Variants in RAB3B observed in about 807,000 individuals in gnomAD.
RAB3B encodes RAB3B, member RAS oncogene family, also known as ras-related protein Rab-3B.
In RAB3B, 11 loss-of-function variants were observed where a neutral mutation model predicts 20.5. The ratio of observed to expected loss-of-function variants is 0.54; its 90% CI spans 0.34 to 0.89. The LOEUF (loss-of-function observed/expected upper bound fraction) is 0.89. Ranked by LOEUF, RAB3B falls within the 40% of genes least tolerant of loss-of-function variation. The pLI, the probability that RAB3B is intolerant of heterozygous loss-of-function variation, is 0.02. For synonymous variants in RAB3B, 99 were observed against 106.3 expected (o/e 0.93, Z 0.42); for missense variants, 225 against 280.9 (o/e 0.80, Z 1.42).
chr1:51,939,272 C>T (rs1684456618), intron 2 of RAB3B, among the ~76,000 whole-genome samples: 1 of 152,172 alleles, frequency 6.6e-6, no homozygotes, highest in South Asian at 2.1e-4. Flanking sequence ...CATATATTAC[C>T]TCATTTAAAT....
At chr1:51,946,382 T>C (rs918197203) in intron 2 of RAB3B, among the ~76,000 whole-genome samples, 9 of 152,312 alleles carry the variant, frequency 5.9e-5, no homozygotes, top group South Asian at 2.1e-4. Context: ...CTGAGGAACA[T>C]TGATTCTCCT....
chr1:51,957,003 G>A (rs1037495029), intron 2 of RAB3B, among the ~76,000 whole-genome samples: 41 of 152,118 alleles, frequency 2.7e-4, no homozygotes, highest in African/African-American at 9.7e-4. Context: ...AATTGCCAAC[G>A]TGCTTGTCTT....
In RAB3B at chr1:51,913,446, C is replaced by T. The variant is rs923833851; in HGVS notation, c.*6481G>A. 6.6e-6 allele frequency: 1 copy of T among 151,424 alleles called. No individual in the cohort carries two copies. Among genetic ancestry groups the T allele is most frequent in the East Asian group, 1.9e-4 (1 of 5,184 alleles). 9.4% of individuals were successfully genotyped at this position (151,424 alleles called of 1,614,324 possible). On this transcript the variant is annotated 3_prime_UTR_variant, in exon 5 of 5. Transcript: ENST00000371655. ...GGTCACCATATTTTGTAGCTCCTCCCATAAAGAGATGGCATCTATTTCCCC... is the reference window on the plus strand; with the variant it reads ...GGTCACCATATTTTGTAGCTCCTCCTATAAAGAGATGGCATCTATTTCCCC...
chr1:51,923,288 A>G (rs931086009), intron 4 of RAB3B, among the ~76,000 whole-genome samples: 14 of 152,202 alleles, frequency 9.2e-5, no homozygotes, highest in African/African-American at 3.4e-4. Context: ...TGGAACAGCA[A>G]CAGAACAAGC....
Position 51,918,142 on chromosome 1 carries a change from T to G in RAB3B, c.*1785A>C, listed in dbSNP as rs1481188291. The G allele has an allele frequency of 6.6e-6, 1 of 152,212 alleles. No homozygotes were observed. The highest frequency in any genetic ancestry group is 1.5e-5 in the Non-Finnish European group (1 of 68,036). 9.4% of individuals were successfully genotyped at this position (152,212 alleles called of 1,614,324 possible). A position where few individuals can be genotyped will look rare whatever the true frequency, so the allele number is the denominator to read the frequency against. On this transcript the variant is annotated 3_prime_UTR_variant, in exon 5 of 5. Transcript: ENST00000371655. ...TTTATTTTTTTCCTCAGGTATTTAA[T>G]TAAGGGGCTTCCACCAGAAGTGGTT...
intron 2 of RAB3B, among the ~76,000 whole-genome samples, chr1:51,949,010 A>T (rs1684599668): frequency 6.6e-6 from 1 of 152,186 alleles, no homozygotes; most frequent in African/African-American, 2.4e-5. Context: ...CTTTGGAAAA[A>T]TCCAAACCTT....
intron 2 of RAB3B, among the ~76,000 whole-genome samples, chr1:51,967,510 C>CTTTTTTTTTTT (rs1466114151): frequency 3.6e-5 from 1 of 28,156 alleles, no homozygotes; most frequent in Non-Finnish European, 1.1e-4. Flanking sequence ...TTTTTCTTTT[C>CTTTTTTTTTTT]TTTTCTTTTT....
At chr1:51,960,544 G>C (rs911091395) in intron 2 of RAB3B, among the ~76,000 whole-genome samples, 13 of 152,100 alleles carry the variant, frequency 8.5e-5, no homozygotes, top group African/African-American at 2.9e-4. Flanking sequence ...GCAACGGTGT[G>C]GGGGAAGGAG....
intron 2 of RAB3B, among the ~76,000 whole-genome samples, chr1:51,973,005 A>T (rs1297034032): frequency 6.6e-6 from 1 of 152,210 alleles, no homozygotes; most frequent in East Asian, 1.9e-4. Context: ...ATACAATTTG[A>T]TGAGTTTGGA....
chr1:51,926,094 T>C (rs757209940), intron 4 of RAB3B, among the ~76,000 whole-genome samples: 1 of 152,122 alleles, frequency 6.6e-6, no homozygotes, highest in Non-Finnish European at 1.5e-5. Flanking sequence ...CTGGGAAACA[T>C]AGCCTGCAAA....
intron 2 of RAB3B, among the ~76,000 whole-genome samples, chr1:51,947,882 T>C (rs950905460): frequency 6.6e-6 from 1 of 152,076 alleles, no homozygotes; most frequent in African/African-American, 2.4e-5. Context: ...TGCTTCCAAC[T>C]TGGACACCCA....
intron 2 of RAB3B, among the ~76,000 whole-genome samples, chr1:51,956,887 C>T (rs980294872): frequency 2.0e-5 from 3 of 152,164 alleles, no homozygotes; most frequent in East Asian, 1.9e-4. Flanking sequence ...AGATTAAACA[C>T]CTTGCCTGAA....
At chr1:51,987,127 T>C (rs571335068) in intron 1 of RAB3B, among the ~76,000 whole-genome samples, 1 of 152,256 alleles carries the variant, frequency 6.6e-6, no homozygotes, top group African/African-American at 2.4e-5. Context: ...CCTTTCAGTC[T>C]GATAGGCGGC....
chr1:51,925,479 T>C (rs905745165), intron 4 of RAB3B, among the ~76,000 whole-genome samples: 5 of 152,228 alleles, frequency 3.3e-5, no homozygotes, highest in Admixed American at 1.3e-4. Context: ...ATCAATTCAA[T>C]ATCCAGCCTC....
chr1:51,931,970 G>C (rs943663012), intron 4 of RAB3B, among the ~76,000 whole-genome samples: 2 of 152,076 alleles, frequency 1.3e-5, no homozygotes, highest in Admixed American at 1.3e-4. Flanking sequence ...TTCATCACTT[G>C]CTTATTGGTC....
intron 4 of RAB3B, among the ~76,000 whole-genome samples, chr1:51,922,424 T>G (rs1684184197): frequency 6.6e-6 from 1 of 152,168 alleles, no homozygotes; most frequent in Admixed American, 6.5e-5. Context: ...TTGGACAAGT[T>G]GCCTAATTGC....
At chr1:51,982,249 G>A (rs1411658704) in intron 1 of RAB3B, among the ~76,000 whole-genome samples, 1 of 152,072 alleles carries the variant, frequency 6.6e-6, no homozygotes, top group Non-Finnish European at 1.5e-5. Flanking sequence ...AAAAACTAAG[G>A]AAGAAAAGAA....
Position 51,934,272 on chromosome 1 carries a change from C to T in RAB3B, c.348-830G>A, listed in dbSNP as rs534204250. ...TTTGCCTACACTGGGAAGTCCTTCC[C>T]CACAACTAACTCATCCTCCAGGGCC... On this transcript the variant is annotated intron_variant, in intron 3 of 4. Coordinates refer to ENST00000371655, the MANE Select transcript of RAB3B (RefSeq NM_002867.4). 2.0e-5 allele frequency among the ~76,000 whole-genome samples: 3 copies of T among 152,212 alleles called. No individual in the cohort carries two copies. The East Asian group carries it at 5.8e-4, about 29-fold the overall frequency.
In RAB3B at chr1:51,911,320, AT is replaced by A. The variant is rs2124212905; in HGVS notation, c.*8606del. 6.6e-6 allele frequency: 1 copy of A among 152,304 alleles called. No individual in the cohort carries two copies. Among genetic ancestry groups the A allele is most frequent in the South Asian group, 2.1e-4 (1 of 4,830 alleles). The allele number at this position is 152,304 out of a possible 1,614,324, so 9.4% of individuals were successfully genotyped here. A position where few individuals can be genotyped will look rare whatever the true frequency, so the allele number is the denominator to read the frequency against. ...GAGACGAGGGTAGGCTTCTTTTCAG[AT>A]TATACATTCTGGATCAGAAAGTCTA... On this transcript the variant is annotated 3_prime_UTR_variant, in exon 5 of 5. Transcript: ENST00000371655.
Sources: gnomAD v4.1 joint callset for allele counts (sites outside exome capture counted in the v4.1 genomes callset) on GRCh38, gnomAD v4.1.1 for gene constraint, MANE v1.5 for transcripts, NCBI Gene and HGNC (gene_info 2026-07-23, HGNC 2026-07-21) for gene names.